The following POMT2 variants were observed in gnomAD, a reference collection of about 807,000 sequenced individuals.
POMT2 encodes the protein protein O-mannosyl-transferase 2.
POMT2 carries 75 observed loss-of-function variants against 100.0 expected under a neutral mutation model. The observed-to-expected ratio is 0.75, with a 90% CI of 0.62 to 0.91. POMT2 has a LOEUF of 0.91. POMT2 is among the 40% of genes least tolerant of loss of function. The pLI, the probability that POMT2 is intolerant of heterozygous loss-of-function variation, is 0.00. For synonymous variants in POMT2, 378 were observed against 374.1 expected (o/e 1.01, Z -0.12); for missense variants, 940 against 955.1 (o/e 0.98, Z 0.21).
chr14:77,288,875 G>T, intron 10 of POMT2, 44 bp from the exon 11 acceptor site: 1 of 1,558,214 alleles, frequency 6.4e-7, no homozygotes, highest in Non-Finnish European at 8.9e-7. Context: ...TCACTCACCA[G>T]GCTAGTATTA....
intron 1 of POMT2, 147 bp downstream of exon 1, chr14:77,320,287 A>G: frequency 2.1e-6 from 3 of 1,400,780 alleles, no homozygotes; most frequent in Non-Finnish European, 2.9e-6. Flanking sequence ...GCACCTCGCC[A>G]GAGGCCAACC....
At position 77,277,188 on chromosome 14, in the gene POMT2, C is replaced by T. The variant is rs1244928638; in HGVS notation, c.*188G>A. The stretch of plus-strand genomic sequence containing the variant: ...CTCCGTGGTGCTGTGGACGGAGCTG[C>T]GGCTCTCTCCCGGCTCTCTCCAATG... On this transcript the variant is annotated 3_prime_UTR_variant, in exon 21 of 21. Coordinates refer to ENST00000261534, the MANE Select transcript of POMT2 (RefSeq NM_013382.7). 8.0e-6 allele frequency: 5 copies of T among 622,756 alleles called. No individual in the cohort carries two copies. Among genetic ancestry groups the T allele is most frequent in the East Asian group, 2.8e-5 (1 of 35,178 alleles). The allele number at this position is 622,756 out of a possible 1,614,324, so 38.6% of individuals were successfully genotyped here.
intron 15 of POMT2, among the ~76,000 whole-genome samples, chr14:77,281,025 C>T (rs964775625): frequency 1.3e-5 from 2 of 151,918 alleles, no homozygotes; most frequent in African/African-American, 4.8e-5. Context: ...ACCCAAGAGG[C>T]GGAGGTTGCA....
At chr14:77,285,709 C>A in intron 12 of POMT2, 77 bp from the exon 13 acceptor site, 1 of 1,494,730 alleles carries the variant, frequency 6.7e-7, no homozygotes. Context: ...GGGAAATGGC[C>A]ACCCAGATGC....
chr14:77,287,716 G>A (rs1890486393), intron 11 of POMT2: 1 of 152,024 alleles, frequency 6.6e-6, no homozygotes, highest in African/African-American at 2.4e-5. Context: ...TTTTGGGTGT[G>A]TACTATTGTC....
rs1012254972 is a variant in POMT2 at position 77,276,594 on chromosome 14, C to G, written c.*782G>C. 6.6e-6 allele frequency: 1 copy of G among 152,524 alleles called. No individual in the cohort carries two copies. Among genetic ancestry groups the G allele is most frequent in the African/African-American group, 2.4e-5 (1 of 41,446 alleles). 9.4% of individuals were successfully genotyped at this position (152,524 alleles called of 1,614,324 possible). ...CACAGGGCCTGGGAACACTGAGCAGCCCAGGATAGGACATCGTTCCTCCCG... is the reference window on the plus strand; with the variant it reads ...CACAGGGCCTGGGAACACTGAGCAGGCCAGGATAGGACATCGTTCCTCCCG... On this transcript the variant is annotated 3_prime_UTR_variant, in exon 21 of 21. Coordinates refer to ENST00000261534, the MANE Select transcript of POMT2 (RefSeq NM_013382.7).
At chr14:77,316,006 C>CA (rs1891612086) in intron 1 of POMT2, among the ~76,000 whole-genome samples, 1 of 151,956 alleles carries the variant, frequency 6.6e-6, no homozygotes, top group South Asian at 2.1e-4. Flanking sequence ...GCGAGAATCT[C>CA]AAAAAACAAA....
At chr14:77,306,275 A>C in intron 3 of POMT2, 62 bp downstream of exon 3, 1 of 1,602,442 alleles carries the variant, frequency 6.2e-7, no homozygotes, top group Non-Finnish European at 8.5e-7. Flanking sequence ...GCTAACTATA[A>C]CATTTCTGGT....
At chr14:77,298,273 C>T (rs746203200) in intron 8 of POMT2, among the ~76,000 whole-genome samples, 1 of 152,162 alleles carries the variant, frequency 6.6e-6, no homozygotes, top group African/African-American at 2.4e-5. Flanking sequence ...CCAGCCACAC[C>T]GTGTGGAGCT....
rs1198588528 is a variant in POMT2 at position 77,277,774 on chromosome 14, A to C, written c.2148-293T>G. Among the ~76,000 whole-genome samples, 4 of 152,192 alleles carry C rather than the reference A, an allele frequency of 2.6e-5. No homozygotes were observed. In the South Asian group the frequency reaches 6.2e-4, roughly 24 times the overall value. On this transcript the variant is annotated intron_variant, in intron 20 of 20. Transcript: ENST00000261534. ...GCCAGGGGTGTTTGTCAACATGTGA[A>C]TGTAACCCTCTTAGGCAGGCATGTG...
At chr14:77,292,535 G>A (rs377600835) in intron 9 of POMT2, among the ~76,000 whole-genome samples, 2 of 152,192 alleles carry the variant, frequency 1.3e-5, no homozygotes, top group Non-Finnish European at 2.9e-5. Context: ...TCCCAGGATA[G>A]AGACTATATA....
chr14:77,304,082 A>G (rs1236173577), intron 4 of POMT2, among the ~76,000 whole-genome samples: 1 of 152,230 alleles, frequency 6.6e-6, no homozygotes, highest in Non-Finnish European at 1.5e-5. Context: ...ACAAAGCAAC[A>G]TATCTGTCAA....
chr14:77,306,573 T>TTG, intron 2 of POMT2, 132 bp from the exon 3 acceptor site: 3 of 990,654 alleles, frequency 3.0e-6, no homozygotes, highest in Non-Finnish European at 4.6e-6. Flanking sequence ...ATGTTGCCAA[T>TTG]GCAACATTTT....
At chr14:77,303,242 C>T (rs1891115688) in intron 4 of POMT2, among the ~76,000 whole-genome samples, 1 of 152,088 alleles carries the variant, frequency 6.6e-6, no homozygotes, top group Admixed American at 6.5e-5. Context: ...ATCCTCATTT[C>T]CACCATCAAA....
chr14:77,294,780 G>C (rs1890764798), intron 9 of POMT2, among the ~76,000 whole-genome samples: 1 of 152,114 alleles, frequency 6.6e-6, no homozygotes. Context: ...TTTGTAAATT[G>C]CCCAGTCTCA....
At chr14:77,301,646 G>A (rs907553216) in intron 5 of POMT2, among the ~76,000 whole-genome samples, 3 of 152,110 alleles carry the variant, frequency 2.0e-5, no homozygotes, top group Non-Finnish European at 2.9e-5. Context: ...AGCATTTACC[G>A]AGTGCTTACT....
At chr14:77,307,337 GACT>G (rs1332901748) in intron 2 of POMT2, among the ~76,000 whole-genome samples, 6 of 152,220 alleles carry the variant, frequency 3.9e-5, no homozygotes, top group Non-Finnish European at 5.9e-5. Flanking sequence ...CATGGATTTA[GACT>G]ACTAACCAAC....
At chr14:77,284,450 A>G (rs1890344822) in intron 14 of POMT2, 1 of 207,936 alleles carries the variant, frequency 4.8e-6, no homozygotes, top group Admixed American at 5.3e-5. Context: ...TTAGGAAAAC[A>G]GATGATGAAT....
At chr14:77,290,924 A>G (rs1292155594) in intron 10 of POMT2, among the ~76,000 whole-genome samples, 1 of 152,232 alleles carries the variant, frequency 6.6e-6, no homozygotes, top group East Asian at 1.9e-4. Flanking sequence ...ACCACATGCT[A>G]GAGTGTGCAA....
Sources: gnomAD v4.1 joint callset for allele counts (sites outside exome capture counted in the v4.1 genomes callset) on GRCh38, gnomAD v4.1.1 for gene constraint, MANE v1.5 for transcripts, NCBI Gene and HGNC (gene_info 2026-07-23, HGNC 2026-07-21) for gene names.